FBXO28: variants seen among roughly 807,000 people sequenced by gnomAD.
The protein encoded by FBXO28 is F-box only protein 28.
FBXO28 carries 8 observed loss-of-function variants against 38.1 expected under a neutral mutation model. That is an observed-to-expected ratio of 0.21 (90% CI 0.12 to 0.38). The LOEUF (loss-of-function observed/expected upper bound fraction) is 0.38. Ranked by LOEUF, FBXO28 falls within the 10% of genes least tolerant of loss-of-function variation. The pLI is 1.00. For missense variants in FBXO28, 345 were observed against 460.6 expected (o/e 0.75, Z 2.30); for synonymous variants, 168 against 173.8 (o/e 0.97, Z 0.26).
At chr1:224,134,260 CTTA>C (rs769630328) in intron 3 of FBXO28, 48 bp downstream of exon 3, 19 of 1,570,944 alleles carry the variant, frequency 1.2e-5, no homozygotes, top group Non-Finnish European at 6.1e-6. Context: ...CCTACATAAA[CTTA>C]TTATACAGTT....
chr1:224,148,793 A>G (rs1040735682), intron 3 of FBXO28, among the ~76,000 whole-genome samples: 1 of 151,986 alleles, frequency 6.6e-6, no homozygotes, highest in Non-Finnish European at 1.5e-5. Flanking sequence ...CCTGTGCTCA[A>G]CTCCACACTG....
chr1:224,129,055 T>G (rs546069568), intron 1 of FBXO28, among the ~76,000 whole-genome samples: 6 of 152,156 alleles, frequency 3.9e-5, no homozygotes, highest in African/African-American at 1.2e-4. Flanking sequence ...GCTAAGATAT[T>G]TTGGGCCGAG....
At chr1:224,120,431 A>C (rs1656745237) in intron 1 of FBXO28, among the ~76,000 whole-genome samples, 1 of 152,200 alleles carries the variant, frequency 6.6e-6, no homozygotes. Context: ...TGCACTTACT[A>C]CATTGGAATT....
chr1:224,120,878 AAG>A (rs1212549037), intron 1 of FBXO28, among the ~76,000 whole-genome samples: 163 of 133,818 alleles, frequency 1.2e-3, no homozygotes, highest in Non-Finnish European at 2.0e-3. Context: ...AAAAAAAAAA[AAG>A]AAAGAAAGAA....
intron 3 of FBXO28, among the ~76,000 whole-genome samples, chr1:224,149,108 A>C (rs73124493): frequency 6.6e-6 from 1 of 152,086 alleles, no homozygotes; most frequent in African/African-American, 2.4e-5. Context: ...ATTTATAAAC[A>C]TATAATATCT....
At chr1:224,134,281 TC>T in intron 3 of FBXO28, 69 bp downstream of exon 3, 1 of 1,509,282 alleles carries the variant, frequency 6.6e-7, no homozygotes, top group Admixed American at 2.0e-5. Flanking sequence ...GTTATGAATT[TC>T]TGATTTTAGA....
At chr1:224,119,737 T>A (rs1416558567) in intron 1 of FBXO28, among the ~76,000 whole-genome samples, 1 of 152,126 alleles carries the variant, frequency 6.6e-6, no homozygotes, top group Non-Finnish European at 1.5e-5. Flanking sequence ...ATAATAAGTT[T>A]TTATCCAGTT....
chr1:224,126,796 C>T (rs1005163792), intron 1 of FBXO28, among the ~76,000 whole-genome samples: 3 of 152,154 alleles, frequency 2.0e-5, no homozygotes. Flanking sequence ...GGCAACAGAG[C>T]AAGACTCCCT....
At chr1:224,117,435 A>AT (rs1374364045) in intron 1 of FBXO28, among the ~76,000 whole-genome samples, 2 of 140,578 alleles carry the variant, frequency 1.4e-5, no homozygotes, top group Non-Finnish European at 3.0e-5. Flanking sequence ...GAATTTATTT[A>AT]TTTTATTTTA....
At chr1:224,148,389 G>A (rs766574681) in intron 3 of FBXO28, among the ~76,000 whole-genome samples, 3 of 152,134 alleles carry the variant, frequency 2.0e-5, no homozygotes, top group Non-Finnish European at 4.4e-5. Context: ...GGTGGCTCAC[G>A]CCTGCAATCC....
chr1:224,125,899 G>T (rs1288996036), intron 1 of FBXO28, among the ~76,000 whole-genome samples: 1 of 152,118 alleles, frequency 6.6e-6, no homozygotes, highest in East Asian at 1.9e-4. Context: ...AAAGTGCTGG[G>T]ATTACAGGCG....
chr1:224,141,817 T>C (rs1308525652), intron 3 of FBXO28, among the ~76,000 whole-genome samples: 1 of 152,054 alleles, frequency 6.6e-6, no homozygotes, highest in African/African-American at 2.4e-5. Context: ...AGTCAGTGAG[T>C]GAGTGGTGAG....
chr1:224,148,864 A>ACC (rs11275475), intron 3 of FBXO28, among the ~76,000 whole-genome samples: 1 of 152,086 alleles, frequency 6.6e-6, no homozygotes, highest in Non-Finnish European at 1.5e-5. Context: ...TTTACTTACT[A>ACC]ATGTCCTTCA....
In FBXO28 at chr1:224,130,600, T is replaced by C; in HGVS notation, c.377+19T>C. 2.7e-6 allele frequency: 4 copies of C among 1,507,912 alleles called. No homozygotes were observed. The highest frequency in any genetic ancestry group is 1.1e-5 in the South Asian group (1 of 88,434). 93.4% of individuals were successfully genotyped at this position (1,507,912 alleles called of 1,614,324 possible). On this transcript the variant is annotated intron_variant, in intron 2 of 4. Coordinates refer to ENST00000366862, the MANE Select transcript of FBXO28 (RefSeq NM_015176.4). ...TCCCAAGGTATGTTGTGGGTGGCAA[T>C]GACAATGATGTACAGTTGGTTTTGT...
chr1:224,119,196 C>T (rs577347807), intron 1 of FBXO28, among the ~76,000 whole-genome samples: 226 of 134,056 alleles, frequency 1.7e-3, no homozygotes, highest in African/African-American at 5.9e-3. Flanking sequence ...TGCAGTGGCG[C>T]GATCTCGGCT....
Position 224,159,466 on chromosome 1 carries a change from G to T in FBXO28, c.*1720G>T, listed in dbSNP as rs1177461194. 1.3e-5 allele frequency: 2 copies of T among 152,556 alleles called. No homozygotes were observed. The highest frequency in any genetic ancestry group is 2.4e-5 in the African/African-American group (1 of 41,432). 9.5% of individuals were successfully genotyped at this position (152,556 alleles called of 1,614,324 possible). ...ATTTACAATGTAGTATGTTTTCAAT[G>T]AAAAACCATAAAGTAACATCCAAGT... On this transcript the variant is annotated 3_prime_UTR_variant, in exon 5 of 5. Coordinates refer to ENST00000366862, the MANE Select transcript of FBXO28 (RefSeq NM_015176.4).
intron 3 of FBXO28, among the ~76,000 whole-genome samples, chr1:224,143,218 C>CAAA (rs1161345004): frequency 3.2e-5 from 2 of 63,374 alleles, no homozygotes. Flanking sequence ...GACTCTGTCT[C>CAAA]AAAAAAAAAA....
rs555304519 is a variant in FBXO28 at position 224,141,667 on chromosome 1, G to A, written c.516+7455G>A. On this transcript the variant is annotated intron_variant, in intron 3 of 4. Transcript: ENST00000366862. ...CTACAAACCTGTACAGCATGTTACC[G>A]TACTGACTATTGTAGGTGATTATAA... Among the ~76,000 whole-genome samples, 16 of 108,514 alleles carry A rather than the reference G, an allele frequency of 1.5e-4. No homozygotes were observed. The East Asian group carries it at 1.7e-3, about 11-fold the overall frequency. 71.2% of individuals were successfully genotyped at this position (108,514 alleles called of 152,430 possible).
At chr1:224,133,380 T>G (rs1398015630) in intron 2 of FBXO28, among the ~76,000 whole-genome samples, 4 of 152,216 alleles carry the variant, frequency 2.6e-5, no homozygotes, top group Non-Finnish European at 4.4e-5. Flanking sequence ...TTTCTTAAAT[T>G]GCTAAAAAGT....
Sources: gnomAD v4.1 joint callset for allele counts (sites outside exome capture counted in the v4.1 genomes callset) on GRCh38, gnomAD v4.1.1 for gene constraint, MANE v1.5 for transcripts, NCBI Gene and HGNC (gene_info 2026-07-23, HGNC 2026-07-21) for gene names.